Variants in PAM observed in about 807,000 individuals in gnomAD.
PAM encodes the protein peptidylglycine alpha-amidating monooxygenase, also known as peptidyl-glycine alpha-amidating monooxygenase.
In PAM, 72 loss-of-function variants were observed where a neutral mutation model predicts 122.1. That is an observed-to-expected ratio of 0.59 (90% CI 0.49 to 0.72). PAM has a LOEUF of 0.72. Ranked by LOEUF, PAM falls within the 30% of genes least tolerant of loss-of-function variation. The pLI, the probability that PAM is intolerant of heterozygous loss-of-function variation, is 0.00. For missense variants in PAM, 1,106 were observed against 1,183.7 expected, an observed-to-expected ratio of 0.93 and a Z score of 0.96; for synonymous variants, 389 against 404.4, an observed-to-expected ratio of 0.96 and a Z score of 0.46.
intron 1 of PAM, among the ~76,000 whole-genome samples, chr5:102,828,551 T>C (rs982523068): frequency 6.6e-6 from 1 of 152,134 alleles, no homozygotes; most frequent in African/African-American, 2.4e-5. Flanking sequence ...CTAGTGTAGG[T>C]TACTTACCCT....
chr5:102,798,229 G>A (rs186163321), intron 1 of PAM, among the ~76,000 whole-genome samples: 9 of 152,294 alleles, frequency 5.9e-5, no homozygotes, highest in African/African-American at 2.2e-4. Flanking sequence ...AGTGCCCAAA[G>A]TACCTCGTGG....
At chr5:102,777,766 A>G (rs1275545545) in intron 1 of PAM, among the ~76,000 whole-genome samples, 3 of 152,158 alleles carry the variant, frequency 2.0e-5, no homozygotes, top group Non-Finnish European at 4.4e-5. Context: ...TCCCCCCAGA[A>G]ATAGACAGCA....
chr5:102,855,283 G>T (rs948945513), intron 1 of PAM, among the ~76,000 whole-genome samples: 1 of 152,032 alleles, frequency 6.6e-6, no homozygotes, highest in Non-Finnish European at 1.5e-5. Context: ...CTATAATAGG[G>T]TTATATGATT....
At chr5:102,830,526 A>G (rs1775132476) in intron 1 of PAM, among the ~76,000 whole-genome samples, 1 of 152,176 alleles carries the variant, frequency 6.6e-6, no homozygotes, top group African/African-American at 2.4e-5. Context: ...CTCTCCTCTT[A>G]CTACACCCTC....
intron 1 of PAM, among the ~76,000 whole-genome samples, chr5:102,771,872 G>A (rs927380680): frequency 6.6e-6 from 1 of 152,094 alleles, no homozygotes; most frequent in Non-Finnish European, 1.5e-5. Context: ...AAGGGCTGTG[G>A]CTGGGTTTAA....
chr5:102,828,921 T>TG (rs1774523255), intron 1 of PAM, among the ~76,000 whole-genome samples: 1 of 34,544 alleles, frequency 2.9e-5, no homozygotes, highest in African/African-American at 1.4e-4. Flanking sequence ...CCTCAGGGTT[T>TG]TTTTTTTTTT....
chr5:102,890,146 C>G (rs1794361642), intron 3 of PAM, among the ~76,000 whole-genome samples: 1 of 151,764 alleles, frequency 6.6e-6, no homozygotes, highest in South Asian at 2.1e-4. Flanking sequence ...ACATGTTTCT[C>G]TGTTCTTTTT....
intron 1 of PAM, among the ~76,000 whole-genome samples, chr5:102,823,427 GT>G (rs769443451): frequency 1.3e-5 from 2 of 152,086 alleles, no homozygotes; most frequent in East Asian, 1.9e-4. Flanking sequence ...AAGCCTAAAA[GT>G]TTTTTCTCCT....
intron 3 of PAM, among the ~76,000 whole-genome samples, chr5:102,868,785 T>C (rs796120556): frequency 1.2e-4 from 19 of 152,342 alleles, no homozygotes; most frequent in African/African-American, 4.3e-4. Context: ...TTATTGTTAT[T>C]CTTTCTTCTC....
intron 13 of PAM, among the ~76,000 whole-genome samples, chr5:102,960,912 A>G (rs1762294754): frequency 7.1e-6 from 1 of 139,922 alleles, no homozygotes; most frequent in African/African-American, 2.7e-5. Context: ...TGTATCATTT[A>G]TATATTATTG....
At chr5:102,943,710 T>C (rs1017810779) in intron 7 of PAM, among the ~76,000 whole-genome samples, 4 of 152,198 alleles carry the variant, frequency 2.6e-5, no homozygotes, top group Non-Finnish European at 4.4e-5. Context: ...AAGTGTAAGA[T>C]TTGAACTTAC....
At chr5:102,810,915 A>G (rs1767731120) in intron 1 of PAM, among the ~76,000 whole-genome samples, 1 of 152,208 alleles carries the variant, frequency 6.6e-6, no homozygotes, top group Non-Finnish European at 1.5e-5. Context: ...GGAAATAAAC[A>G]TTTTGTCCAG....
At chr5:102,890,942 C>T (rs1794610440) in intron 3 of PAM, among the ~76,000 whole-genome samples, 1 of 151,844 alleles carries the variant, frequency 6.6e-6, no homozygotes, top group Non-Finnish European at 1.5e-5. Context: ...GTTTAGAAGA[C>T]AACCTTTGTA....
At chr5:102,996,430 G>C (rs1775724069) in intron 16 of PAM, among the ~76,000 whole-genome samples, 1 of 152,282 alleles carries the variant, frequency 6.6e-6, no homozygotes, top group Non-Finnish European at 1.5e-5. Flanking sequence ...GGTGTATCCA[G>C]CTCTATAATC....
At chr5:102,993,905 C>A (rs929550013) in intron 16 of PAM, among the ~76,000 whole-genome samples, 2 of 152,070 alleles carry the variant, frequency 1.3e-5, no homozygotes, top group African/African-American at 4.8e-5. Context: ...GCACGTTAAA[C>A]CAGTTATTTT....
At chr5:102,836,861 AG>A (rs1187070568) in intron 1 of PAM, among the ~76,000 whole-genome samples, 6 of 81,782 alleles carry the variant, frequency 7.3e-5, no homozygotes, top group Non-Finnish European at 2.0e-4. Flanking sequence ...AAAGAAACCG[AG>A]AGAGAGAGAG....
At chr5:102,951,572 A>T (rs1425062665) in intron 12 of PAM, among the ~76,000 whole-genome samples, 1 of 152,114 alleles carries the variant, frequency 6.6e-6, no homozygotes, top group East Asian at 1.9e-4. Flanking sequence ...GAAGTTACAG[A>T]AAGTAAGCAT....
chr5:102,974,142 C>T lies in PAM; in HGVS notation c.1189C>T (p.Leu397=). 2 of 1,613,310 alleles carry T rather than the reference C, an allele frequency of 1.2e-6. No homozygotes were observed. The highest frequency in any genetic ancestry group is 1.7e-4 in the Middle Eastern group (1 of 6,058). ...TGATTTCTATTCACTACTTTCCAAG[C>T]TGCTAGGAGAAAGGGAAGATGTTGT... is the stretch of plus-strand genomic sequence containing the variant. ...QGDFYSLLSK[L]LGEREDVVHV... is the part of the protein sequence containing the mutation. Residue 397 remains leucine, a synonymous_variant, in exon 15 of 26, where the codon CTG becomes TTG. Transcript: ENST00000438793.
intron 14 of PAM, among the ~76,000 whole-genome samples, chr5:102,964,240 C>T (rs2150294860): frequency 6.6e-6 from 1 of 151,974 alleles, no homozygotes; most frequent in Non-Finnish European, 1.5e-5. Context: ...AAATTGCTAG[C>T]TATTGATGTT....
Sources: gnomAD v4.1 joint callset for allele counts (sites outside exome capture counted in the v4.1 genomes callset) on GRCh38, gnomAD v4.1.1 for gene constraint, MANE v1.5 for transcripts, NCBI Gene and HGNC (gene_info 2026-07-23, HGNC 2026-07-21) for gene names.